CD109: variants seen among roughly 807,000 people sequenced by gnomAD.
The protein encoded by CD109 is CD109 antigen.
Under a neutral mutation model 165.8 loss-of-function variants are expected in CD109, and 149 were observed. The ratio of observed to expected loss-of-function variants is 0.90; its 90% CI spans 0.79 to 1.03. The LOEUF is 1.03. Among genes scored for constraint, CD109 ranks in the 50% least tolerant of loss-of-function variants. The pLI is 0.00. For missense variants in CD109, 1,712 were observed against 1,677.8 expected, an observed-to-expected ratio of 1.02 and a Z score of -0.36; for synonymous variants, 585 against 592.1, an observed-to-expected ratio of 0.99 and a Z score of 0.18.
intron 2 of CD109, among the ~76,000 whole-genome samples, chr6:73,711,833 G>A (rs1771548955): frequency 6.6e-5 from 1 of 15,202 alleles, no homozygotes; most frequent in South Asian, 1.1e-3. Context: ...CACCGCGCCC[G>A]GCCTAAGTTT....
At chr6:73,764,583 G>A (rs1354401005) in intron 10 of CD109, among the ~76,000 whole-genome samples, 2 of 152,170 alleles carry the variant, frequency 1.3e-5, no homozygotes, top group Non-Finnish European at 2.9e-5. Context: ...GGGAGGCCGA[G>A]GCAGGCGGAT....
chr6:73,807,214 T>C, intron 25 of CD109, 142 bp downstream of exon 25: 1 of 646,362 alleles, frequency 1.5e-6, no homozygotes, highest in Non-Finnish European at 2.6e-6. Context: ...TCTTTTGCTT[T>C]GCATTTGTGG....
At chr6:73,818,591 G>A (rs983672955) in intron 31 of CD109, 56 bp downstream of exon 31, 24 of 1,497,002 alleles carry the variant, frequency 1.6e-5, no homozygotes, top group South Asian at 1.6e-4. Context: ...TTGTATTCAG[G>A]TGTCTACCTT....
At position 73,736,376 on chromosome 6, in the gene CD109, A is replaced by C. The variant is rs764385224; in HGVS notation, c.508-7A>C. On this transcript the variant is annotated splice_region_variant and splice_polypyrimidine_tract_variant and intron_variant, in intron 4 of 32. Coordinates refer to ENST00000287097, the MANE Select transcript of CD109 (RefSeq NM_133493.5). ...CTACATACTTACATGTCTGGTTTTC[A>C]TTTTAGGACCCCAAATCAAATTTGA... The C allele has an allele frequency of 1.2e-6, 2 of 1,613,152 alleles. No individual in the cohort carries two copies. The highest frequency in any genetic ancestry group is 1.7e-6 in the Non-Finnish European group (2 of 1,179,540).
chr6:73,700,522 AG>A, intron 2 of CD109, among the ~76,000 whole-genome samples: 1 of 152,288 alleles, frequency 6.6e-6, no homozygotes, highest in Non-Finnish European at 1.5e-5. Context: ...AGAAATCCTC[AG>A]GATAGGGAGG....
At chr6:73,746,230 A>T (rs950010053) in intron 5 of CD109, among the ~76,000 whole-genome samples, 5 of 152,202 alleles carry the variant, frequency 3.3e-5, no homozygotes, top group African/African-American at 7.2e-5. Context: ...CTTTATTTTC[A>T]GTGGCATAGA....
In CD109 at chr6:73,803,316, C is replaced by A; in HGVS notation, c.2960+15C>A. ...GGGAGCACTTGGTAAGTGTTTTTGCCAACTGAACAAATCCGTGTCATGGAA... is the reference window on the plus strand; with the variant it reads ...GGGAGCACTTGGTAAGTGTTTTTGCAAACTGAACAAATCCGTGTCATGGAA... On this transcript the variant is annotated intron_variant, in intron 24 of 32. Coordinates refer to ENST00000287097, the MANE Select transcript of CD109 (RefSeq NM_133493.5). 6.3e-7 allele frequency: 1 copy of A among 1,599,788 alleles called. No individual in the cohort carries two copies. The highest frequency in any genetic ancestry group is 1.1e-5 in the South Asian group (1 of 90,138).
chr6:73,792,862 G>T (rs1775025022), intron 23 of CD109, 60 bp downstream of exon 23: 1 of 1,268,838 alleles, frequency 7.9e-7, no homozygotes, highest in African/African-American at 1.5e-5. Flanking sequence ...TTCAGGTAGG[G>T]TTCATTCTAG....
intron 15 of CD109, among the ~76,000 whole-genome samples, chr6:73,773,477 G>A (rs1396427424): frequency 6.6e-6 from 1 of 151,842 alleles, no homozygotes; most frequent in African/African-American, 2.4e-5. Context: ...TTCTAATGGG[G>A]ACTTTTTCTG....
At chr6:73,694,256 C>A (rs1185753660), upstream of CD109, 1 of 152,166 alleles carries the variant, frequency 6.6e-6, no homozygotes. Flanking sequence ...ATCCTTTTAA[C>A]ACATTTTTAT....
chr6:73,700,717 C>T (rs1297909355), intron 2 of CD109, among the ~76,000 whole-genome samples: 3 of 149,892 alleles, frequency 2.0e-5, no homozygotes, highest in Non-Finnish European at 4.4e-5. Flanking sequence ...CTTTTATGGC[C>T]AGGAGTGTAG....
rs71542232 is a variant in CD109, at chr6:73,802,305, A to AT, written c.2879-892dup. Among the ~76,000 whole-genome samples, 369 of 47,616 alleles carry AT rather than the reference A, an allele frequency of 7.7e-3. 17 individuals carry two copies. The highest frequency in any genetic ancestry group is 0.017 in the South Asian group (32 of 1,908). 31.2% of individuals were successfully genotyped at this position (47,616 alleles called of 152,430 possible). ...TGTGTGTGTGTATATATATATATAT[A>AT]TTTTTTTTTTTTTTTTTTTTTTTAG... is the stretch of plus-strand genomic sequence containing the variant. On this transcript the variant is annotated intron_variant, in intron 23 of 32. Coordinates refer to ENST00000287097, the MANE Select transcript of CD109 (RefSeq NM_133493.5).
intron 2 of CD109, among the ~76,000 whole-genome samples, chr6:73,705,906 G>A (rs184412593): frequency 1.3e-3 from 201 of 152,296 alleles, no homozygotes; most frequent in Middle Eastern, 0.01. Flanking sequence ...CTTTCCAGAA[G>A]TTTGGTAGTT....
Position 73,806,988 on chromosome 6 carries a change from T to C in CD109, c.3105T>C (p.His1035=), listed in dbSNP as rs1562081478. 1 of 1,614,062 alleles carries C rather than the reference T, an allele frequency of 6.2e-7. No individual in the cohort carries two copies. Among genetic ancestry groups the C allele is most frequent in the Non-Finnish European group, 8.5e-7 (1 of 1,179,958 alleles). The part of the protein sequence containing the change: ...GEFWDPGRVI[H]SELQGGNKSP... ...TTTGGGATCCAGGAAGAGTGATTCA[T>C]AGTGAGCTTCAAGGTGGCAATAAAA... is the stretch of plus-strand genomic sequence containing the variant. Residue 1035 remains histidine, a synonymous_variant, in exon 25 of 33, where the codon CAT becomes CAC. Transcript: ENST00000287097.
intron 4 of CD109, among the ~76,000 whole-genome samples, chr6:73,733,701 T>C (rs1000449509): frequency 2.0e-5 from 3 of 152,190 alleles, no homozygotes; most frequent in Admixed American, 2.0e-4. Context: ...TATCCTGTTA[T>C]TGTGCCCTGA....
chr6:73,804,789 C>G lies in CD109; in HGVS notation c.2960+1488C>G, dbSNP rs1407847252. ...GTTGGAGCTCTTCTTTGGTAAATAT[C>G]TAGAACAGTCCAAAGATGAATAACC... On this transcript the variant is annotated intron_variant, in intron 24 of 32. Transcript: ENST00000287097. 4.6e-5 allele frequency among the ~76,000 whole-genome samples: 7 copies of G among 152,218 alleles called. No individual in the cohort carries two copies. In the East Asian group the frequency reaches 9.6e-4, roughly 21 times the overall value.
intron 15 of CD109, among the ~76,000 whole-genome samples, chr6:73,772,970 T>G (rs1467337439): frequency 6.6e-6 from 1 of 151,674 alleles, no homozygotes; most frequent in East Asian, 1.9e-4. Context: ...GAGTTCACAT[T>G]AGTTTTATGT....
intron 15 of CD109, among the ~76,000 whole-genome samples, chr6:73,778,250 C>T (rs191719558): frequency 3.3e-5 from 5 of 151,914 alleles, no homozygotes; most frequent in South Asian, 2.1e-4. Flanking sequence ...TTTCACACAT[C>T]GAGGCTTTCC....
upstream of CD109, chr6:73,694,116 T>C (rs2150139361): frequency 6.6e-6 from 1 of 152,326 alleles, no homozygotes; most frequent in East Asian, 1.9e-4. Flanking sequence ...CTCGAACTCG[T>C]GACCTTAGGT....
Sources: allele counts gnomAD v4.1 joint callset (sites outside exome capture counted in the v4.1 genomes callset), GRCh38; gene constraint gnomAD v4.1.1; transcripts MANE v1.5; gene names NCBI Gene and HGNC (gene_info 2026-07-23, HGNC 2026-07-21).